The following TEX11 variants were observed in gnomAD, a reference collection of about 807,000 sequenced individuals.
The protein encoded by TEX11 is testis-expressed protein 11.
In TEX11, 7 loss-of-function variants were observed where a neutral mutation model predicts 84.4. The ratio of observed to expected loss-of-function variants is 0.08; its 90% CI spans 0.05 to 0.16. The LOEUF (loss-of-function observed/expected upper bound fraction) is 0.16. Among genes scored for constraint, TEX11 ranks in the 10% least tolerant of loss-of-function variants. The pLI, the probability that TEX11 is intolerant of heterozygous loss-of-function variation, is 1.00. For missense variants in TEX11, 551 were observed against 660.5 expected (o/e 0.83, Z 1.82); for synonymous variants, 264 against 222.8 (o/e 1.18, Z -1.64).
At chrX:70,750,449 T>C (rs1007460379) in intron 9 of TEX11, among the ~76,000 whole-genome samples, 13 of 111,631 alleles carry the variant, frequency 1.2e-4, no homozygotes, top group Admixed American at 4.8e-4. Flanking sequence ...CTATAAATCA[T>C]GCTGCTATAA....
At chrX:70,680,141 G>T (rs1287730549) in intron 14 of TEX11, among the ~76,000 whole-genome samples, 2 of 66,216 alleles carry the variant, frequency 3.0e-5, no homozygotes, top group Admixed American at 1.7e-4. Context: ...GAATAGAAAG[G>T]GGGGAAAGGT....
chrX:70,549,399 G>C (rs1043565524), intron 28 of TEX11, among the ~76,000 whole-genome samples: 1 of 111,159 alleles, frequency 9.0e-6, no homozygotes, highest in Admixed American at 9.5e-5. Context: ...GAAGAGTAAA[G>C]AGGATTTTGT....
Position 70,602,708 on chromosome X carries a change from T to G in TEX11, c.2067+2693A>C, listed in dbSNP as rs1052693051. 2.2e-4 allele frequency among the ~76,000 whole-genome samples: 24 copies of G among 107,378 alleles called. 1 individual carries two copies. The highest frequency in any genetic ancestry group is 4.8e-3 in the Middle Eastern group (1 of 207). The allele number at this position is 107,378 out of a possible 115,157, so 93.2% of individuals were successfully genotyped here. The stretch of plus-strand genomic sequence containing the variant: ...TGTTGGAAGTTCTGGCCACGGCAAT[T>G]AGGCAGGAGAAGGAAATAAAGGGTA... On this transcript the variant is annotated intron_variant, in intron 24 of 29. Coordinates refer to ENST00000374333, the MANE Select transcript of TEX11 (RefSeq NM_031276.3).
chrX:70,718,676 C>T (rs1364986269), intron 13 of TEX11, among the ~76,000 whole-genome samples: 5 of 111,870 alleles, frequency 4.5e-5, no homozygotes, highest in Non-Finnish European at 7.5e-5. Context: ...TCCCGAAACT[C>T]CCCTTCAGAA....
intron 15 of TEX11, among the ~76,000 whole-genome samples, chrX:70,675,584 CTTTCTCTTCTCG>C (rs1314843405): frequency 2.8e-5 from 3 of 107,820 alleles, no homozygotes; most frequent in Non-Finnish European, 3.8e-5. Context: ...TCTCTCTCTT[CTTTCTCTTCTCG>C]TTTCTCTTCT....
intron 13 of TEX11, among the ~76,000 whole-genome samples, chrX:70,696,839 T>C (rs1449270972): frequency 8.9e-6 from 1 of 112,161 alleles, no homozygotes; most frequent in Non-Finnish European, 1.9e-5. Flanking sequence ...CCCAATTTTG[T>C]AGCTCAGAAA....
At chrX:70,758,616 G>A (rs2090885558) in intron 9 of TEX11, among the ~76,000 whole-genome samples, 1 of 112,176 alleles carries the variant, frequency 8.9e-6, no homozygotes, top group South Asian at 3.7e-4. Flanking sequence ...CACATTTAAA[G>A]CAGTGTGAAG....
At chrX:70,779,922 C>A (rs959327476) in intron 9 of TEX11, among the ~76,000 whole-genome samples, 1 of 111,863 alleles carries the variant, frequency 8.9e-6, no homozygotes, top group African/African-American at 3.2e-5. Context: ...CTGATGGGTT[C>A]ACTGCTGAAT....
intron 8 of TEX11, among the ~76,000 whole-genome samples, chrX:70,811,172 C>G (rs956719783): frequency 9.1e-6 from 1 of 109,701 alleles, no homozygotes; most frequent in Non-Finnish European, 1.9e-5. Flanking sequence ...CGATCCCTCC[C>G]CCCTGCCCCC....
intron 11 of TEX11, among the ~76,000 whole-genome samples, chrX:70,737,417 A>T (rs1271696910): frequency 9.0e-6 from 1 of 111,144 alleles, no homozygotes; most frequent in Admixed American, 9.7e-5. Context: ...CAGAAAAAAA[A>T]TTTGAAGAAA....
intron 25 of TEX11, among the ~76,000 whole-genome samples, chrX:70,565,541 A>T (rs1216567947): frequency 9.0e-6 from 1 of 111,379 alleles, no homozygotes; most frequent in Non-Finnish European, 1.9e-5. Context: ...TTTTAGGTCT[A>T]ACGTTTAAGT....
At chrX:70,732,029 A>G (rs1340623004) in intron 11 of TEX11, among the ~76,000 whole-genome samples, 2 of 112,208 alleles carry the variant, frequency 1.8e-5, no homozygotes, top group Non-Finnish European at 3.8e-5. Flanking sequence ...AATCCAGCAT[A>G]TAAACAGAAC....
At chrX:70,856,990 G>A (rs913774665) in intron 5 of TEX11, among the ~76,000 whole-genome samples, 19 of 111,260 alleles carry the variant, frequency 1.7e-4, no homozygotes, top group African/African-American at 5.9e-4. Flanking sequence ...ATTTGATTTG[G>A]GGAAATCTTT....
At chrX:70,667,648 C>A (rs1433072730) in intron 16 of TEX11, among the ~76,000 whole-genome samples, 1 of 112,010 alleles carries the variant, frequency 8.9e-6, no homozygotes, top group Non-Finnish European at 1.9e-5. Context: ...AAACAGTAGG[C>A]CGGGCGCGGT....
At chrX:70,579,153 A>G (rs1326358137) in intron 25 of TEX11, among the ~76,000 whole-genome samples, 2 of 110,919 alleles carry the variant, frequency 1.8e-5, no homozygotes, top group Non-Finnish European at 3.8e-5. Flanking sequence ...GAATTAAGGT[A>G]TATCTTTGGC....
At chrX:70,574,221 CA>C (rs1255159356) in intron 25 of TEX11, among the ~76,000 whole-genome samples, 1 of 111,661 alleles carries the variant, frequency 9.0e-6, no homozygotes, top group Non-Finnish European at 1.9e-5. Flanking sequence ...TAGCAACATC[CA>C]AAAATGATAA....
chrX:70,832,104 C>G (rs2091380061), intron 8 of TEX11, among the ~76,000 whole-genome samples: 2 of 111,228 alleles, frequency 1.8e-5, no homozygotes, highest in Non-Finnish European at 3.8e-5. Context: ...GTATACCACC[C>G]AATAGGAAGC....
intron 2 of TEX11, among the ~76,000 whole-genome samples, chrX:70,891,047 T>C (rs2091735394): frequency 8.9e-6 from 1 of 112,231 alleles, no homozygotes. Context: ...TCTGCAATAC[T>C]TGCTGTTCTG....
At chrX:70,617,129 TA>T (rs1386325903) in intron 20 of TEX11, among the ~76,000 whole-genome samples, 8 of 110,321 alleles carry the variant, frequency 7.3e-5, no homozygotes, top group African/African-American at 2.6e-4. Flanking sequence ...AGCCCATAAA[TA>T]TATACATCTA....
Sources: allele counts gnomAD v4.1 joint callset (sites outside exome capture counted in the v4.1 genomes callset), GRCh38; gene constraint gnomAD v4.1.1; transcripts MANE v1.5; gene names NCBI Gene and HGNC (gene_info 2026-07-23, HGNC 2026-07-21).